SNTB2: variants seen among roughly 807,000 people sequenced by gnomAD.
SNTB2 encodes the protein syntrophin beta 2.
SNTB2 carries 34 observed loss-of-function variants against 46.2 expected under a neutral mutation model. The observed-to-expected ratio is 0.74, with a 90% CI of 0.56 to 0.98. The LOEUF is 0.98. SNTB2 is among the 50% of genes least tolerant of loss of function. SNTB2 has a pLI of 0.00. For missense variants in SNTB2, 603 were observed against 731.4 expected, an observed-to-expected ratio of 0.82 and a Z score of 2.02; for synonymous variants, 290 against 312.6, an observed-to-expected ratio of 0.93 and a Z score of 0.76.
chr16:69,218,988 T>A (rs1964374728), intron 1 of SNTB2, among the ~76,000 whole-genome samples: 1 of 152,180 alleles, frequency 6.6e-6, no homozygotes, highest in African/African-American at 2.4e-5. Flanking sequence ...AGATTTTAGC[T>A]TACATCTTGT....
chr16:69,295,372 C>T (rs1965214021), intron 5 of SNTB2, among the ~76,000 whole-genome samples: 1 of 151,116 alleles, frequency 6.6e-6, no homozygotes, highest in South Asian at 2.1e-4. Flanking sequence ...GCCTCAGCCT[C>T]CCGAGTAGCT....
intron 1 of SNTB2, among the ~76,000 whole-genome samples, chr16:69,224,185 A>G (rs1338605257): frequency 6.6e-6 from 1 of 150,688 alleles, no homozygotes; most frequent in Admixed American, 6.7e-5. Context: ...GTTTCTCCAC[A>G]TAAAGTTACT....
chr16:69,292,375 TATATTATATATATATTATATA>T (rs1271704784), intron 5 of SNTB2, among the ~76,000 whole-genome samples: 1 of 41,038 alleles, frequency 2.4e-5, no homozygotes, highest in South Asian at 8.7e-4. Flanking sequence ...TATATATATA[TATATTATATATATATTATATA>T]TATATATATA....
chr16:69,253,376 G>T lies in SNTB2; in HGVS notation c.795-6674G>T, dbSNP rs569583330. On this transcript the variant is annotated intron_variant, in intron 2 of 6. Coordinates refer to ENST00000336278, the MANE Select transcript of SNTB2 (RefSeq NM_006750.4). ...TAAAAAACTGGTTAACTGGCCGGGC[G>T]TGGTGCCTCACACCTGTAATCCCAG... 4.7e-4 allele frequency among the ~76,000 whole-genome samples: 71 copies of T among 151,866 alleles called. 1 individual carries two copies. Among genetic ancestry groups the T allele is most frequent in the African/African-American group, 1.6e-3 (66 of 41,364 alleles).
intron 5 of SNTB2, among the ~76,000 whole-genome samples, chr16:69,292,176 G>A (rs908949453): frequency 2.1e-5 from 3 of 141,676 alleles, no homozygotes; most frequent in Non-Finnish European, 4.6e-5. Context: ...GGCAGAGCTT[G>A]TAGTGAGCCA....
chr16:69,243,933 G>A (rs759436219), intron 1 of SNTB2, among the ~76,000 whole-genome samples: 19 of 151,970 alleles, frequency 1.3e-4, no homozygotes, highest in Middle Eastern at 3.4e-3. Context: ...TTTTAATAAC[G>A]TATAAGAAAA....
intron 5 of SNTB2, among the ~76,000 whole-genome samples, chr16:69,295,811 C>T (rs1965217985): frequency 6.6e-6 from 1 of 151,904 alleles, no homozygotes; most frequent in Admixed American, 6.6e-5. Context: ...CCCTATCTCC[C>T]TTTGGTTCAT....
chr16:69,272,889 C>CAAAAAAA (rs34011617), intron 4 of SNTB2, among the ~76,000 whole-genome samples: 3 of 80,732 alleles, frequency 3.7e-5, no homozygotes, highest in Non-Finnish European at 5.0e-5. Flanking sequence ...GACTCTGTCT[C>CAAAAAAA]AAAAAAAAAA....
intron 4 of SNTB2, among the ~76,000 whole-genome samples, chr16:69,272,127 TCAG>T (rs1200044707): frequency 6.6e-6 from 1 of 152,176 alleles, no homozygotes; most frequent in Non-Finnish European, 1.5e-5. Flanking sequence ...AATTGGACTT[TCAG>T]AAACTTAAAA....
intron 1 of SNTB2, among the ~76,000 whole-genome samples, chr16:69,234,151 C>T (rs528450780): frequency 7.9e-5 from 12 of 152,260 alleles, no homozygotes; most frequent in Admixed American, 4.6e-4. Flanking sequence ...GGCAACATGG[C>T]GAAACCCTGT....
At chr16:69,300,375 C>T (rs187891857) in intron 6 of SNTB2, among the ~76,000 whole-genome samples, 153 of 151,166 alleles carry the variant, frequency 1.0e-3, no homozygotes, top group Admixed American at 2.4e-3. Context: ...CTCAGCCTCC[C>T]GAGTAGCTGA....
At chr16:69,270,434 A>T in intron 4 of SNTB2, 149 bp downstream of exon 4, 1 of 834,406 alleles carries the variant, frequency 1.2e-6, no homozygotes, top group Non-Finnish European at 1.8e-6. Flanking sequence ...TTTGTTTTAC[A>T]ACCTTATTGA....
At chr16:69,292,832 C>T (rs1168802989) in intron 5 of SNTB2, among the ~76,000 whole-genome samples, 2 of 151,844 alleles carry the variant, frequency 1.3e-5, no homozygotes, top group African/African-American at 2.4e-5. Context: ...TATTAAATTA[C>T]TATCGGGGAG....
At chr16:69,273,573 G>A (rs1289738382) in intron 4 of SNTB2, among the ~76,000 whole-genome samples, 6 of 152,172 alleles carry the variant, frequency 3.9e-5, no homozygotes, top group African/African-American at 7.2e-5. Context: ...CGGCGGGGGA[G>A]CTAATGGGTA....
In SNTB2 at chr16:69,187,274, G is replaced by A; in HGVS notation, c.108G>A (p.Trp36Ter). The change falls in exon 1 of 7, where the codon TGG becomes TGA. Residue 36 changes from tryptophan to a stop codon, truncating the protein, a stop_gained. Transcript: ENST00000336278. LOFTEE classifies it high-confidence loss of function. ...TGGAGCTGCTCCTGAGGGAGCGCTG[G>A]GTCCGAGTGGTGGCCGAGCTGAGCG... ...GLVELLLRER[W>*]VRVVAELSGE... is the part of the protein sequence containing the mutation. The A allele has an allele frequency of 6.7e-7, 1 of 1,490,210 alleles. No homozygotes were observed. The highest frequency in any genetic ancestry group is 8.9e-7 in the Non-Finnish European group (1 of 1,126,350). The allele number at this position is 1,490,210 out of a possible 1,614,324, so 92.3% of individuals were successfully genotyped here. A position where few individuals can be genotyped will look rare whatever the true frequency, so the allele number is the denominator to read the frequency against.
intron 1 of SNTB2, among the ~76,000 whole-genome samples, chr16:69,204,275 T>C (rs1273346821): frequency 6.6e-6 from 1 of 152,198 alleles, no homozygotes; most frequent in Non-Finnish European, 1.5e-5. Context: ...ACTTGTAGTA[T>C]GAGGAAGCAG....
intron 4 of SNTB2, among the ~76,000 whole-genome samples, chr16:69,274,336 T>A (rs1203715667): frequency 6.8e-6 from 1 of 146,826 alleles, no homozygotes; most frequent in East Asian, 2.1e-4. Flanking sequence ...AGTATAATAA[T>A]TAGTTTAATT....
intron 2 of SNTB2, among the ~76,000 whole-genome samples, chr16:69,255,753 TC>T (rs1245262264): frequency 1.3e-5 from 2 of 150,986 alleles, no homozygotes; most frequent in East Asian, 2.0e-4. Flanking sequence ...TGGTGGCACT[TC>T]CCTGTAATCC....
chr16:69,280,504 C>T (rs1333744031), intron 4 of SNTB2, among the ~76,000 whole-genome samples: 3 of 150,020 alleles, frequency 2.0e-5, no homozygotes, highest in African/African-American at 4.9e-5. Context: ...ACCCCCCCAC[C>T]TCCCTCCCGG....
Sources: gnomAD v4.1 joint callset for allele counts (sites outside exome capture counted in the v4.1 genomes callset) on GRCh38, gnomAD v4.1.1 for gene constraint, MANE v1.5 for transcripts, NCBI Gene and HGNC (gene_info 2026-07-23, HGNC 2026-07-21) for gene names.